Variants in LINGO2 observed in about 807,000 individuals in gnomAD.
LINGO2 encodes leucine rich repeat and Ig domain containing 2.
Under a neutral mutation model 30.6 loss-of-function variants are expected in LINGO2, and 14 were observed. That is an observed-to-expected ratio of 0.46 (90% CI 0.30 to 0.72). LINGO2 has a LOEUF of 0.72. LINGO2 is among the 30% of genes least tolerant of loss of function. The pLI, the probability that LINGO2 is intolerant of heterozygous loss-of-function variation, is 0.07. For missense variants in LINGO2, 729 were observed against 751.7 expected, an observed-to-expected ratio of 0.97 and a Z score of 0.35; for synonymous variants, 317 against 288.5, an observed-to-expected ratio of 1.10 and a Z score of -1.00.
the LINGO2 span, among the ~76,000 whole-genome samples, chr9:29,050,094 C>T: frequency 2.6e-5 from 4 of 151,804 alleles, no homozygotes; most frequent in Non-Finnish European, 2.9e-5. Flanking sequence ...GGTACAATCT[C>T]GGCTCACTGC....
At chr9:28,306,691 C>A (rs1480750412) in intron 3 of LINGO2, among the ~76,000 whole-genome samples, 3 of 151,842 alleles carry the variant, frequency 2.0e-5, no homozygotes, top group African/African-American at 7.2e-5. Flanking sequence ...GCAAGACTAA[C>A]AAAGAAGAAA....
chr9:28,320,118 G>A (rs886608750), intron 3 of LINGO2, among the ~76,000 whole-genome samples: 3 of 152,032 alleles, frequency 2.0e-5, no homozygotes, highest in Non-Finnish European at 2.9e-5. Context: ...TCCATCACAC[G>A]TCAGTTGTTC....
At chr9:28,269,861 A>G (rs1822879688) in intron 4 of LINGO2, among the ~76,000 whole-genome samples, 1 of 152,136 alleles carries the variant, frequency 6.6e-6, no homozygotes, top group Non-Finnish European at 1.5e-5. Flanking sequence ...CTGGAGATCT[A>G]AAGATGACAA....
chr9:28,628,737 T>C (rs1282202184), intron 1 of LINGO2, among the ~76,000 whole-genome samples: 1 of 152,146 alleles, frequency 6.6e-6, no homozygotes, highest in African/African-American at 2.4e-5. Context: ...CACAATGTTT[T>C]ATTTCTGTAC....
intron 5 of LINGO2, among the ~76,000 whole-genome samples, chr9:27,984,274 G>C (rs573810355): frequency 6.6e-6 from 1 of 151,884 alleles, no homozygotes; most frequent in African/African-American, 2.4e-5. Flanking sequence ...AACAACCATT[G>C]GCTTCATCTT....
chr9:28,859,023 T>C, the LINGO2 span, among the ~76,000 whole-genome samples: 1 of 152,042 alleles, frequency 6.6e-6, no homozygotes, highest in Non-Finnish European at 1.5e-5. Context: ...TTTCATTCCT[T>C]TATCTGTAAA....
chr9:29,079,659 T>C, the LINGO2 span, among the ~76,000 whole-genome samples: 1 of 152,020 alleles, frequency 6.6e-6, no homozygotes, highest in East Asian at 1.9e-4. Context: ...TATCTTACTC[T>C]TAAAGAGCTC....
chr9:28,491,181 T>C (rs1193446064), intron 1 of LINGO2, among the ~76,000 whole-genome samples: 2 of 152,184 alleles, frequency 1.3e-5, no homozygotes, highest in African/African-American at 2.4e-5. Context: ...AAGTCTGAAA[T>C]GAGTCTTATG....
At chr9:27,965,405 C>T (rs1031849006) in intron 5 of LINGO2, among the ~76,000 whole-genome samples, 18 of 150,130 alleles carry the variant, frequency 1.2e-4, no homozygotes, top group African/African-American at 4.2e-4. Context: ...TTTCCAGTAA[C>T]GCTTCCTTTT....
At chr9:28,565,578 G>A (rs1399967046) in intron 1 of LINGO2, among the ~76,000 whole-genome samples, 1 of 150,852 alleles carries the variant, frequency 6.6e-6, no homozygotes, top group Non-Finnish European at 1.5e-5. Context: ...TTGAGACGGA[G>A]TCTCGCTCTG....
At chr9:28,884,986 T>C in the LINGO2 span, among the ~76,000 whole-genome samples, 12 of 5,802 alleles carry the variant, frequency 2.1e-3, 2 homozygotes, top group African/African-American at 5.9e-3. Flanking sequence ...ATATAATATA[T>C]AATAATATAT....
intron 2 of LINGO2, among the ~76,000 whole-genome samples, chr9:28,460,050 A>G (rs2135115968): frequency 6.6e-6 from 1 of 152,268 alleles, no homozygotes; most frequent in African/African-American, 2.4e-5. Context: ...TCTGTATCAT[A>G]GTAATCATGG....
At chr9:28,054,684 A>G (rs1432252663) in intron 4 of LINGO2, among the ~76,000 whole-genome samples, 2 of 152,084 alleles carry the variant, frequency 1.3e-5, no homozygotes, top group African/African-American at 2.4e-5. Context: ...TGCCTCCCCT[A>G]ATTCACAAAA....
At chr9:28,428,893 T>A (rs1357728840) in intron 2 of LINGO2, among the ~76,000 whole-genome samples, 2 of 152,176 alleles carry the variant, frequency 1.3e-5, no homozygotes, top group African/African-American at 2.4e-5. Context: ...TGGTAAACTT[T>A]TAGTGCATCC....
intron 1 of LINGO2, among the ~76,000 whole-genome samples, chr9:28,570,593 C>T (rs1188411035): frequency 6.8e-6 from 1 of 146,232 alleles, no homozygotes; most frequent in African/African-American, 2.6e-5. Flanking sequence ...AAGCCAAGGT[C>T]ACTGAAACAG....
At chr9:28,782,150 T>C in the LINGO2 span, among the ~76,000 whole-genome samples, 2 of 152,152 alleles carry the variant, frequency 1.3e-5, no homozygotes, top group Admixed American at 1.3e-4. Flanking sequence ...TCCTGCAAGC[T>C]CTGTCCAGTG....
the LINGO2 span, among the ~76,000 whole-genome samples, chr9:29,063,440 T>C: frequency 6.6e-6 from 1 of 151,690 alleles, no homozygotes; most frequent in Non-Finnish European, 1.5e-5. Context: ...CTCGCTATTG[T>C]CACCCAGGCT....
chr9:28,433,966 T>TATATATATATATATATATATATAAAC (rs752778212), intron 2 of LINGO2, among the ~76,000 whole-genome samples: 1 of 99,994 alleles, frequency 1.0e-5, no homozygotes. Context: ...TATATATATA[T>TATATATATATATATATATATATAAAC]ACACACACAC....
At chr9:28,537,001 T>C (rs994312323) in intron 1 of LINGO2, among the ~76,000 whole-genome samples, 3 of 152,084 alleles carry the variant, frequency 2.0e-5, no homozygotes, top group Non-Finnish European at 4.4e-5. Context: ...TCTAATTCAA[T>C]GTGACTAGTG....
Sources: gnomAD v4.1 joint callset for allele counts (sites outside exome capture counted in the v4.1 genomes callset) on GRCh38, gnomAD v4.1.1 for gene constraint, MANE v1.5 for transcripts, NCBI Gene and HGNC (gene_info 2026-07-23, HGNC 2026-07-21) for gene names.